ZNF423: variants seen among roughly 807,000 people sequenced by gnomAD.
ZNF423 encodes zinc finger protein 423.
In ZNF423, 12 loss-of-function variants were observed where a neutral mutation model predicts 95.8. The ratio of observed to expected loss-of-function variants is 0.13; its 90% confidence interval spans 0.08 to 0.20. The LOEUF (loss-of-function observed/expected upper bound fraction) is 0.20, where lower values mean the gene tolerates loss of function less well. ZNF423 is among the 10% of genes least tolerant of loss of function. The probability of loss-of-function intolerance (pLI) is 1.00; values close to 1 mark genes in which losing one functional copy is unlikely to be tolerated. For missense variants in ZNF423, 1,316 were observed against 1,737.1 expected, an observed-to-expected ratio of 0.76 and a Z score of 4.31; for synonymous variants, 749 against 711.9, an observed-to-expected ratio of 1.05 and a Z score of -0.83.
intron 7 of ZNF423, among the ~76,000 whole-genome samples, chr16:49,517,218 C>T (rs1968182993): frequency 6.6e-6 from 1 of 152,224 alleles, no homozygotes; most frequent in Non-Finnish European, 1.5e-5. Flanking sequence ...AAAATCCACT[C>T]ATGTCCCTAC....
intron 3 of ZNF423, among the ~76,000 whole-genome samples, chr16:49,649,973 C>T (rs970115533): frequency 6.6e-6 from 1 of 152,208 alleles, no homozygotes; most frequent in Non-Finnish European, 1.5e-5. Context: ...GAGTTTCTTA[C>T]GAATGGGATC....
chr16:49,737,626 G>C (rs2033318500), intron 2 of ZNF423, among the ~76,000 whole-genome samples: 1 of 152,252 alleles, frequency 6.6e-6, no homozygotes, highest in African/African-American at 2.4e-5. Context: ...CGGGGCAGGG[G>C]ACAGCTGGCT....
chr16:49,842,357 G>A (rs2035196183), intron 1 of ZNF423, among the ~76,000 whole-genome samples: 1 of 110,110 alleles, frequency 9.1e-6, no homozygotes, highest in South Asian at 3.6e-4. Context: ...GGAAGGGAAG[G>A]GAGAGAGACA....
intron 3 of ZNF423, among the ~76,000 whole-genome samples, chr16:49,719,288 G>A (rs964661686): frequency 1.3e-5 from 2 of 152,188 alleles, no homozygotes; most frequent in Non-Finnish European, 2.9e-5. Context: ...TCCACGTGAC[G>A]GGCCCTGAGC....
At chr16:49,651,168 G>A (rs908999283) in intron 3 of ZNF423, among the ~76,000 whole-genome samples, 6 of 150,378 alleles carry the variant, frequency 4.0e-5, no homozygotes, top group African/African-American at 1.5e-4. Context: ...CCACAGGTGC[G>A]TGCCACCATG....
At chr16:49,576,340 G>A (rs997159832) in intron 5 of ZNF423, among the ~76,000 whole-genome samples, 6 of 152,210 alleles carry the variant, frequency 3.9e-5, no homozygotes, top group East Asian at 3.9e-4. Flanking sequence ...AGGTGAACTC[G>A]TGGTGGGGGC....
chr16:49,786,649 G>A (rs988227893), intron 2 of ZNF423, among the ~76,000 whole-genome samples: 4 of 152,194 alleles, frequency 2.6e-5, no homozygotes, highest in South Asian at 2.1e-4. Flanking sequence ...TCCACCTCCC[G>A]ATGCCAAGTG....
intron 3 of ZNF423, among the ~76,000 whole-genome samples, chr16:49,676,106 G>A (rs985871091): frequency 6.6e-6 from 1 of 152,272 alleles, no homozygotes; most frequent in Non-Finnish European, 1.5e-5. Context: ...GCATGAGGGA[G>A]AGAATGAATA....
intron 2 of ZNF423, among the ~76,000 whole-genome samples, chr16:49,742,300 G>A (rs1350069195): frequency 6.6e-6 from 1 of 152,144 alleles, no homozygotes; most frequent in Non-Finnish European, 1.5e-5. Context: ...CAGTGGGTCA[G>A]GAATGAGTGG....
intron 7 of ZNF423, chr16:49,518,176 A>C (rs529756563): frequency 1.8e-5 from 7 of 384,936 alleles, no homozygotes; most frequent in African/African-American, 8.4e-5. Context: ...CATCCTTGGA[A>C]TCTACATAAC....
chr16:49,857,958 C>G (rs1343385189), upstream of ZNF423: 1 of 152,160 alleles, frequency 6.6e-6, no homozygotes, highest in South Asian at 2.1e-4. The surrounding 1 kb of genome is among the most constrained non-coding windows in gnomAD (Gnocchi z 6.2). Context: ...TTCCTCGGAG[C>G]CTCTCCCTCC....
At chr16:49,777,407 T>A (rs1489814742) in intron 2 of ZNF423, among the ~76,000 whole-genome samples, 1 of 152,170 alleles carries the variant, frequency 6.6e-6, no homozygotes, top group Non-Finnish European at 1.5e-5. Flanking sequence ...TGTGCATGCA[T>A]CCTTGTGTTG....
At chr16:49,565,190 T>C (rs1970150966) in intron 5 of ZNF423, among the ~76,000 whole-genome samples, 1 of 152,180 alleles carries the variant, frequency 6.6e-6, no homozygotes, top group Non-Finnish European at 1.5e-5. Flanking sequence ...GGGCGAACCA[T>C]TTGTAACCCT....
chr16:49,734,421 G>A (rs2033238291), intron 2 of ZNF423, among the ~76,000 whole-genome samples: 1 of 152,242 alleles, frequency 6.6e-6, no homozygotes, highest in South Asian at 2.1e-4. Context: ...TAGAACTGCA[G>A]CTCACTGGTT....
At chr16:49,576,350 C>T (rs1260811404) in intron 5 of ZNF423, among the ~76,000 whole-genome samples, 1 of 152,148 alleles carries the variant, frequency 6.6e-6, no homozygotes, top group African/African-American at 2.4e-5. Flanking sequence ...GTGGTGGGGG[C>T]AGGGGCAGAG....
intron 1 of ZNF423, among the ~76,000 whole-genome samples, chr16:49,823,216 T>A (rs985926234): frequency 1.3e-5 from 2 of 152,234 alleles, no homozygotes; most frequent in African/African-American, 4.8e-5. Context: ...GCTGGTCGGC[T>A]GGCATCACTA....
At chr16:49,808,105 AG>A (rs1306421794) in intron 1 of ZNF423, among the ~76,000 whole-genome samples, 2 of 151,990 alleles carry the variant, frequency 1.3e-5, no homozygotes, top group Non-Finnish European at 2.9e-5. Context: ...TCTGTCACCA[AG>A]GCTGGAGTGC....
chr16:49,846,539 C>T lies in ZNF423; in HGVS notation c.40+9196G>A, dbSNP rs28698900. 1.0e-3 allele frequency among the ~76,000 whole-genome samples: 155 copies of T among 152,284 alleles called. 1 individual carries two copies. Among genetic ancestry groups the T allele is most frequent in the African/African-American group, 3.6e-3 (151 of 41,562 alleles). On this transcript the variant is annotated intron_variant, in intron 1 of 7. Transcript: ENST00000563137. Reference sequence around the variant, plus strand: ...GTGTGTCTGGCCCCTGGCTGGCCAGCGTCTCCCTAAGGGGCACAAGGCATC... The same window carrying T: ...GTGTGTCTGGCCCCTGGCTGGCCAGTGTCTCCCTAAGGGGCACAAGGCATC...
chr16:49,537,282 C>T (rs2151731170), intron 5 of ZNF423, among the ~76,000 whole-genome samples: 1 of 152,284 alleles, frequency 6.6e-6, no homozygotes, highest in South Asian at 2.1e-4. Context: ...GTCAAGAAGC[C>T]CACCGGCCAC....
Sources: gnomAD v4.1 joint callset for allele counts (sites outside exome capture counted in the v4.1 genomes callset) on GRCh38, gnomAD v4.1.1 for gene constraint, Gnocchi (gnomAD v3.1) non-coding constraint, MANE v1.5 for transcripts, NCBI Gene and HGNC (gene_info 2026-07-23, HGNC 2026-07-21) for gene names.